The following ATRN variants were observed in gnomAD, a reference collection of about 807,000 sequenced individuals.
ATRN encodes the protein attractin-2.
In ATRN, 54 loss-of-function variants were observed where a neutral mutation model predicts 178.7. That is an observed-to-expected ratio of 0.30 (90% CI 0.24 to 0.38). ATRN has a LOEUF of 0.38. Among genes scored for constraint, ATRN ranks in the 10% least tolerant of loss-of-function variants. ATRN has a pLI of 1.00. For synonymous variants in ATRN, 636 were observed against 663.0 expected (o/e 0.96, Z 0.63); for missense variants, 1,443 against 1,815.1 (o/e 0.79, Z 3.73).
chr20:3,622,401 C>T (rs2086903370), intron 24 of ATRN, among the ~76,000 whole-genome samples: 1 of 152,232 alleles, frequency 6.6e-6, no homozygotes, highest in Non-Finnish European at 1.5e-5. Flanking sequence ...TTGTCTTTTA[C>T]AAGATGGATT....
At chr20:3,530,861 C>T (rs745396695) in intron 1 of ATRN, among the ~76,000 whole-genome samples, 5 of 152,034 alleles carry the variant, frequency 3.3e-5, no homozygotes, top group Non-Finnish European at 7.4e-5. Flanking sequence ...AACTATGAGA[C>T]GAGTCCTTTG....
intron 2 of ATRN, among the ~76,000 whole-genome samples, chr20:3,537,899 TTTTA>T (rs1384483142): frequency 2.3e-4 from 35 of 150,644 alleles, no homozygotes; most frequent in Admixed American, 1.3e-4. Flanking sequence ...ATTTTCTTTA[TTTTA>T]TTTTATTTTA....
At chr20:3,484,528 A>C (rs921939047) in intron 1 of ATRN, among the ~76,000 whole-genome samples, 2 of 152,188 alleles carry the variant, frequency 1.3e-5, no homozygotes, top group Admixed American at 6.5e-5. Flanking sequence ...AGTTCCATTT[A>C]TAGAACAGTT....
At chr20:3,519,006 T>TATATAAAA (rs770584938) in intron 1 of ATRN, among the ~76,000 whole-genome samples, 1 of 119,494 alleles carries the variant, frequency 8.4e-6, no homozygotes, top group Non-Finnish European at 1.7e-5. Flanking sequence ...TCCTTATATA[T>TATATAAAA]AAAAAAAAAA....
At chr20:3,619,665 A>G (rs2086881345) in intron 24 of ATRN, among the ~76,000 whole-genome samples, 1 of 152,154 alleles carries the variant, frequency 6.6e-6, no homozygotes, top group Non-Finnish European at 1.5e-5. Context: ...TTTTATGGTA[A>G]TCTTGGACTC....
chr20:3,644,170 T>C lies in ATRN; in HGVS notation c.4067T>C (p.Ile1356Thr), dbSNP rs2087089936. The C allele has an allele frequency of 6.2e-7, 1 of 1,614,036 alleles. No homozygotes were observed. The highest frequency in any genetic ancestry group is 8.5e-7 in the Non-Finnish European group (1 of 1,179,876). ...GGSIKTVPKP[I>T]ALEPCFGNKA... is the part of the protein sequence containing the mutation. ...TTCTGCCAGACTGTTCCCAAACCCA[T>C]TGCACTGGAGCCGTGTTTTGGCAAC... is the stretch of plus-strand genomic sequence containing the variant. Residue 1356 changes from isoleucine (I) to threonine (T), a missense_variant, in exon 28 of 29, where the codon ATT (isoleucine) becomes ACT (threonine). Physicochemically the swap from Ile to Thr is moderately conservative, Grantham distance 89. Coordinates refer to ENST00000262919, the MANE Select transcript of ATRN (RefSeq NM_139321.3).
chr20:3,608,767 G>A (rs942929341), intron 24 of ATRN, among the ~76,000 whole-genome samples: 4 of 152,122 alleles, frequency 2.6e-5, no homozygotes, highest in Non-Finnish European at 4.4e-5. Flanking sequence ...AGGAGTTCGA[G>A]ACCAGCCTGG....
At chr20:3,577,376 A>C (rs1340878137) in intron 14 of ATRN, among the ~76,000 whole-genome samples, 1 of 152,066 alleles carries the variant, frequency 6.6e-6, no homozygotes, top group African/African-American at 2.4e-5. Flanking sequence ...ACTGGGATTT[A>C]ATTGTTGGCA....
chr20:3,618,949 C>T (rs1245502942), intron 24 of ATRN, among the ~76,000 whole-genome samples: 2 of 152,218 alleles, frequency 1.3e-5, no homozygotes, highest in Non-Finnish European at 2.9e-5. Flanking sequence ...AGCCAGGGCT[C>T]ACGGAATCTT....
intron 1 of ATRN, among the ~76,000 whole-genome samples, chr20:3,507,192 G>A (rs1401681640): frequency 6.6e-6 from 1 of 151,824 alleles, no homozygotes; most frequent in Non-Finnish European, 1.5e-5. Context: ...GGATCATGAG[G>A]TCAGGAGTTC....
chr20:3,542,902 G>A (rs1326913151), intron 3 of ATRN, among the ~76,000 whole-genome samples: 1 of 151,120 alleles, frequency 6.6e-6, no homozygotes, highest in African/African-American at 2.4e-5. Flanking sequence ...GCCTCCCAAA[G>A]TGTTGGGATT....
At chr20:3,628,794 G>A (rs2086966198) in intron 25 of ATRN, 3 of 724,726 alleles carry the variant, frequency 4.1e-6, no homozygotes, top group Non-Finnish European at 5.1e-6. Context: ...CTTCATGAGC[G>A]AGACTCTTCC....
rs181050818 is a variant in ATRN, at chr20:3,534,534, A to G, written c.411-719A>G. ...GTGCATTAGGAGTAGCTGGGAGATG[A>G]CTCAGAAGGTAAGGGAGGCAGATCC... On this transcript the variant is annotated intron_variant, in intron 1 of 28. Coordinates refer to ENST00000262919, the MANE Select transcript of ATRN (RefSeq NM_139321.3). 2.0e-4 allele frequency among the ~76,000 whole-genome samples: 31 copies of G among 152,248 alleles called. No individual in the cohort carries two copies. The East Asian group carries it at 5.8e-3, about 28-fold the overall frequency.
chr20:3,564,893 A>G (rs1395275075), intron 10 of ATRN, among the ~76,000 whole-genome samples: 2 of 152,108 alleles, frequency 1.3e-5, no homozygotes, highest in East Asian at 1.9e-4. Context: ...GTGAAACCCC[A>G]TCTCTACTAA....
At chr20:3,494,643 G>A (rs562182468) in intron 1 of ATRN, among the ~76,000 whole-genome samples, 4 of 152,298 alleles carry the variant, frequency 2.6e-5, no homozygotes, top group Admixed American at 2.6e-4. Flanking sequence ...TAGGGTAGAT[G>A]ACAAAGTTGT....
chr20:3,598,714 G>A (rs2086565829), intron 22 of ATRN, among the ~76,000 whole-genome samples: 1 of 152,178 alleles, frequency 6.6e-6, no homozygotes, highest in South Asian at 2.1e-4. Context: ...CACCTGTACA[G>A]TTTCTTCAAT....
intron 2 of ATRN, among the ~76,000 whole-genome samples, chr20:3,538,698 A>G (rs2085575405): frequency 6.6e-6 from 1 of 152,080 alleles, no homozygotes; most frequent in South Asian, 2.1e-4. Context: ...TCCCCAATCC[A>G]TCACCAGACT....
At chr20:3,567,556 G>A (rs1172545562) in intron 11 of ATRN, among the ~76,000 whole-genome samples, 1 of 152,172 alleles carries the variant, frequency 6.6e-6, no homozygotes, top group African/African-American at 2.4e-5. Flanking sequence ...AGACAGGATT[G>A]GGTAGGTGGC....
At position 3,569,720 on chromosome 20, in the gene ATRN, G is replaced by A. The variant is rs142228090; in HGVS notation, c.1872-3011G>A. ...TACATGACTATAATGAGGATTGGCTGTCTTTTAAAGATGAAGACTTAATTT... is the reference window on the plus strand; with the variant it reads ...TACATGACTATAATGAGGATTGGCTATCTTTTAAAGATGAAGACTTAATTT... On this transcript the variant is annotated intron_variant, in intron 11 of 28. Coordinates refer to ENST00000262919, the MANE Select transcript of ATRN (RefSeq NM_139321.3). Among the ~76,000 whole-genome samples the A allele has an allele frequency of 2.7e-3, 414 of 152,346 alleles. 1 individual carries two copies. The highest frequency in any genetic ancestry group is 9.6e-3 in the African/African-American group (400 of 41,578).
Sources: gnomAD v4.1 joint callset for allele counts (sites outside exome capture counted in the v4.1 genomes callset) on GRCh38, gnomAD v4.1.1 for gene constraint, MANE v1.5 for transcripts, NCBI Gene and HGNC (gene_info 2026-07-23, HGNC 2026-07-21) for gene names.